RNF150: variants seen among roughly 807,000 people sequenced by gnomAD.
The protein encoded by RNF150 is ring finger protein 150.
A neutral mutation model predicts 39.3 loss-of-function variants in RNF150; 24 were observed. The observed-to-expected ratio is 0.61, with a 90% CI of 0.44 to 0.86. The LOEUF is 0.86. Among genes scored for constraint, RNF150 ranks in the 40% least tolerant of loss-of-function variants. The pLI, the probability that RNF150 is intolerant of heterozygous loss-of-function variation, is 0.00. For missense variants in RNF150, 502 were observed against 587.8 expected, an observed-to-expected ratio of 0.85 and a Z score of 1.51; for synonymous variants, 255 against 227.3, an observed-to-expected ratio of 1.12 and a Z score of -1.10.
chr4:140,923,908 G>A (rs1321832157), intron 5 of RNF150, among the ~76,000 whole-genome samples: 1 of 151,988 alleles, frequency 6.6e-6, no homozygotes, highest in Non-Finnish European at 1.5e-5. Flanking sequence ...ACTCATAGGT[G>A]GGAATTGAAC....
At chr4:140,928,875 T>C (rs1731504117) in intron 4 of RNF150, among the ~76,000 whole-genome samples, 1 of 152,162 alleles carries the variant, frequency 6.6e-6, no homozygotes, top group Admixed American at 6.5e-5. Flanking sequence ...CCTACATATT[T>C]CCTGCTGGTT....
intron 1 of RNF150, among the ~76,000 whole-genome samples, chr4:141,106,442 C>A (rs1739210586): frequency 6.6e-6 from 1 of 152,098 alleles, no homozygotes. Context: ...CTAGGCTAGC[C>A]AAGGTAGGAG....
At chr4:140,870,980 T>TC (rs1553986856) in intron 6 of RNF150, among the ~76,000 whole-genome samples, 3 of 148,928 alleles carry the variant, frequency 2.0e-5, no homozygotes, top group Non-Finnish European at 4.5e-5. Flanking sequence ...ACAATAAGAA[T>TC]TCTCTCTCTC....
chr4:141,140,292 A>G (rs1233100536), intron 1 of RNF150, among the ~76,000 whole-genome samples: 1 of 152,172 alleles, frequency 6.6e-6, no homozygotes, highest in East Asian at 1.9e-4. Flanking sequence ...GCTCCTTTGA[A>G]TTATCAAGTG....
intron 1 of RNF150, among the ~76,000 whole-genome samples, chr4:141,127,975 C>G (rs1726795269): frequency 6.6e-6 from 1 of 152,144 alleles, no homozygotes; most frequent in Non-Finnish European, 1.5e-5. Context: ...AAAGAAAGTA[C>G]AAACTCAATA....
intron 1 of RNF150, among the ~76,000 whole-genome samples, chr4:141,009,323 T>C (rs888968173): frequency 1.3e-5 from 2 of 152,214 alleles, no homozygotes; most frequent in African/African-American, 4.8e-5. Flanking sequence ...CTCTTATGCA[T>C]AGAATAAAGC....
chr4:141,054,635 C>G (rs1265316709), intron 1 of RNF150, among the ~76,000 whole-genome samples: 1 of 151,978 alleles, frequency 6.6e-6, no homozygotes, highest in Non-Finnish European at 1.5e-5. Flanking sequence ...CATGTCTTTC[C>G]CCCACCCCCA....
chr4:141,082,871 T>C (rs934637556), intron 1 of RNF150, among the ~76,000 whole-genome samples: 1 of 152,218 alleles, frequency 6.6e-6, no homozygotes, highest in Non-Finnish European at 1.5e-5. Context: ...TTTTACATAG[T>C]ATGTTAGCTA....
At chr4:141,179,509 A>G (rs996056149) in intron 1 of RNF150, among the ~76,000 whole-genome samples, 1 of 152,210 alleles carries the variant, frequency 6.6e-6, no homozygotes, top group African/African-American at 2.4e-5. Context: ...CACTGCTAGG[A>G]CAGTGTCCTT....
At chr4:141,065,131 C>A in intron 1 of RNF150, among the ~76,000 whole-genome samples, 1 of 152,184 alleles carries the variant, frequency 6.6e-6, no homozygotes, top group East Asian at 1.9e-4. Flanking sequence ...TCCCAAAGTG[C>A]TGGGATTACA....
chr4:141,131,468 T>G (rs911869079), intron 1 of RNF150, among the ~76,000 whole-genome samples: 2 of 152,178 alleles, frequency 1.3e-5, no homozygotes, highest in Non-Finnish European at 2.9e-5. Context: ...ATGGCTTTTT[T>G]GGGGGGAGGG....
chr4:140,986,713 T>C (rs939740606), intron 1 of RNF150, among the ~76,000 whole-genome samples: 1 of 152,084 alleles, frequency 6.6e-6, no homozygotes, highest in Non-Finnish European at 1.5e-5. Context: ...TCAATAGTCC[T>C]TCTATGCAAA....
At chr4:140,991,116 G>A (rs943415163) in intron 1 of RNF150, among the ~76,000 whole-genome samples, 12 of 151,290 alleles carry the variant, frequency 7.9e-5, no homozygotes, top group East Asian at 5.8e-4. Flanking sequence ...TATTTTTTTC[G>A]TATGTTTGTT....
chr4:141,016,743 G>C (rs12639880), intron 1 of RNF150, among the ~76,000 whole-genome samples: 21,292 of 152,048 alleles, frequency 0.14, 1,767 homozygotes, highest in East Asian at 0.35. Flanking sequence ...AACTCTCTTT[G>C]CCTTTGCTTT....
Position 140,866,653 on chromosome 4 carries a change from ACT to A in RNF150, c.*1606_*1607del, listed in dbSNP as rs1728721930. 6.6e-6 allele frequency: 1 copy of A among 152,100 alleles called. No individual in the cohort carries two copies. The highest frequency in any genetic ancestry group is 6.5e-5 in the Admixed American group (1 of 15,268). 9.4% of individuals were successfully genotyped at this position (152,100 alleles called of 1,614,324 possible). A position where few individuals can be genotyped will look rare whatever the true frequency, so the allele number is the denominator to read the frequency against. ...CGGCAAGGATTTACAGCAGAACCAA[ACT>A]CTTTTTGAATGAGTATTAGTCTAAT... On this transcript the variant is annotated 3_prime_UTR_variant, in exon 7 of 7. Coordinates refer to ENST00000515673, the MANE Select transcript of RNF150 (RefSeq NM_020724.2).
chr4:140,937,655 C>A (rs1168617555), intron 4 of RNF150, among the ~76,000 whole-genome samples: 3 of 151,516 alleles, frequency 2.0e-5, no homozygotes, highest in Admixed American at 6.6e-5. Context: ...CTTGACTCTA[C>A]AGTGTTTAAA....
In RNF150 at chr4:141,145,025, G is replaced by A. The variant is rs556552599; in HGVS notation, c.-6+67769C>T. Among the ~76,000 whole-genome samples the A allele has an allele frequency of 1.4e-3, 216 of 152,210 alleles. 1 individual carries two copies. Among genetic ancestry groups the A allele is most frequent in the African/African-American group, 4.8e-3 (199 of 41,524 alleles). On this transcript the variant is annotated intron_variant, in intron 1 of 7. Transcript: ENST00000420921. ...CTTCATGTCTGGAAATTTCCCTGAC[G>A]TCTAGATTAAAATACAATCTTGGTC...
chr4:141,052,382 C>A (rs1030631133), intron 1 of RNF150, among the ~76,000 whole-genome samples: 1 of 152,014 alleles, frequency 6.6e-6, no homozygotes, highest in South Asian at 2.1e-4. Context: ...ATTTTTTATT[C>A]TTTTATTTTT....
intron 1 of RNF150, among the ~76,000 whole-genome samples, chr4:141,088,499 A>G (rs17426280): frequency 0.38 from 58,486 of 152,032 alleles, 12,790 homozygotes; most frequent in Non-Finnish European, 0.48. Context: ...AAAACCTTAG[A>G]AGAAATTTGC....
Sources: gnomAD v4.1 joint callset for allele counts (sites outside exome capture counted in the v4.1 genomes callset) on GRCh38, gnomAD v4.1.1 for gene constraint, MANE v1.5 for transcripts, NCBI Gene and HGNC (gene_info 2026-07-23, HGNC 2026-07-21) for gene names.